Variants in GZMM observed in about 807,000 individuals in gnomAD.
The protein encoded by GZMM is granzyme M, also known as HU-Met-1.
A neutral mutation model predicts 19.2 loss-of-function variants in GZMM; 23 were observed. The ratio of observed to expected loss-of-function variants is 1.20; its 90% CI spans 0.86 to 1.69. The LOEUF (loss-of-function observed/expected upper bound fraction) is 1.69. GZMM is among the 40% of genes most tolerant of loss of function. GZMM has a pLI of 0.00. For synonymous variants in GZMM, 178 were observed against 160.2 expected, an observed-to-expected ratio of 1.11 and a Z score of -0.84; for missense variants, 373 against 352.2, an observed-to-expected ratio of 1.06 and a Z score of -0.47.
rs1980330683 is a variant in GZMM at position 547,414 on chromosome 19, G to A, written c.190G>A (p.Ala64Thr). The A allele has an allele frequency of 1.3e-6, 2 of 1,486,820 alleles. No homozygotes were observed. Among genetic ancestry groups the A allele is most frequent in the East Asian group, 2.6e-5 (1 of 37,804 alleles). The allele number at this position is 1,486,820 out of a possible 1,614,324, so 92.1% of individuals were successfully genotyped here. The change falls in exon 2 of 5, where the codon GCT becomes ACT. Residue 64 changes from alanine (A) to threonine (T), a missense_variant. Physicochemically the swap from Ala to Thr is moderately conservative, Grantham distance 58 (BLOSUM62 0). Transcript: ENST00000264553. ...VLVHPKWVLT[A>T]AHCLAQRMAQ... ...GGTGCACCCAAAGTGGGTGCTGACG[G>A]CTGCCCACTGCCTGGCCCAGCGGTG... is the stretch of plus-strand genomic sequence containing the variant.
chr19:547,188 G>C, intron 1 of GZMM, 92 bp from the exon 2 acceptor site: 1 of 1,205,740 alleles, frequency 8.3e-7, no homozygotes, highest in Non-Finnish European at 1.1e-6. Flanking sequence ...CATCTGCTTG[G>C]GGTCCTGGGC....
chr19:547,542 C>A (rs1980337220), intron 2 of GZMM, 106 bp downstream of exon 2: 1 of 861,326 alleles, frequency 1.2e-6, no homozygotes, highest in East Asian at 3.2e-5. Flanking sequence ...TTGTGGGACC[C>A]CCGTCCCCTC....
chr19:548,978 G>A lies in GZMM; in HGVS notation c.405G>A (p.Lys135=). ...TCCGGCCGTTGGCCCTGCCCAGTAA[G>A]CGCCAGGTGGTGGCAGCAGGGACTC... ...RTIRPLALPS[K]RQVVAAGTRC... is the part of the protein sequence containing the mutation. Residue 135 remains lysine (K), a synonymous_variant, in exon 4 of 5, where the codon AAG becomes AAA. Transcript: ENST00000264553. 1 of 1,603,476 alleles carries A rather than the reference G, an allele frequency of 6.2e-7. No homozygotes were observed. Among genetic ancestry groups the A allele is most frequent in the South Asian group, 1.1e-5 (1 of 89,800 alleles).
intron 2 of GZMM, 109 bp downstream of exon 2, chr19:547,545 G>A (rs908920474): frequency 5.4e-5 from 47 of 864,406 alleles, no homozygotes; most frequent in Middle Eastern, 4.0e-4. Flanking sequence ...TGGGACCCCC[G>A]TCCCCTCCCG....
At chr19:546,897 T>C (rs1209395896) in intron 1 of GZMM, among the ~76,000 whole-genome samples, 1 of 151,798 alleles carries the variant, frequency 6.6e-6, no homozygotes, top group African/African-American at 2.4e-5. Flanking sequence ...TCGCCCAGGC[T>C]GGTCTCGAAC....
Position 549,661 on chromosome 19 carries a change from A to G in GZMM, c.644A>G (p.Lys215Arg), listed in dbSNP as rs1980440115. 1 of 1,613,532 alleles carries G rather than the reference A, an allele frequency of 6.2e-7. No individual in the cohort carries two copies. The highest frequency in any genetic ancestry group is 2.2e-5 in the East Asian group (1 of 44,874). ...GDSGGPLVCG[K>R]GRVLARVLSF... ...TCGGGCGGGCCCCTGGTGTGTGGCA[A>G]AGGCCGGGTGTTGGCCAGAGTCCTG... The change falls in exon 5 of 5, where the codon AAA becomes AGA. Residue 215 changes from lysine (K) to arginine (R), a missense_variant. Physicochemically the swap from Lys to Arg is conservative, Grantham distance 26. Coordinates refer to ENST00000264553, the MANE Select transcript of GZMM (RefSeq NM_005317.4).
intron 4 of GZMM, 89 bp downstream of exon 4, chr19:549,274 G>A (rs370395783): frequency 1.2e-5 from 15 of 1,291,986 alleles, no homozygotes; most frequent in Admixed American, 1.0e-4. Flanking sequence ...TGGCTCTCCC[G>A]TTCTCTGGGG....
In GZMM at chr19:548,999, G is replaced by C; in HGVS notation, c.426G>C (p.Gly142=). ...LPSKRQVVAA[G]TRCSMAGWGL... is the part of the protein sequence containing the mutation. Reference sequence around the variant, plus strand: ...GTAAGCGCCAGGTGGTGGCAGCAGGGACTCGGTGCAGCATGGCCGGCTGGG... The same window carrying C: ...GTAAGCGCCAGGTGGTGGCAGCAGGCACTCGGTGCAGCATGGCCGGCTGGG... Residue 142 remains glycine (G), a synonymous_variant, in exon 4 of 5, where the codon GGG becomes GGC. Coordinates refer to ENST00000264553, the MANE Select transcript of GZMM (RefSeq NM_005317.4). The C allele has an allele frequency of 6.2e-7, 1 of 1,604,390 alleles. No individual in the cohort carries two copies. The highest frequency in any genetic ancestry group is 8.5e-7 in the Non-Finnish European group (1 of 1,176,658).
At chr19:545,099 A>ATCCCTCCTTCCTCCCTCCCTTTG (rs370859891) in intron 1 of GZMM, among the ~76,000 whole-genome samples, 11,782 of 141,312 alleles carry the variant, frequency 0.083, 633 homozygotes, top group Middle Eastern at 0.14. Flanking sequence ...TCCTCCTTCC[A>ATCCCTCCTTCCTCCCTCCCTTTG]TCCCTCCTTC....
intron 1 of GZMM, among the ~76,000 whole-genome samples, chr19:546,811 C>T (rs1980301068): frequency 6.6e-6 from 1 of 151,662 alleles, no homozygotes; most frequent in African/African-American, 2.4e-5. Flanking sequence ...GCACTCCAGC[C>T]TGGGTGACAG....
At chr19:544,148 G>A (rs1310653336) in intron 1 of GZMM, 22 bp downstream of exon 1, 2 of 1,543,764 alleles carry the variant, frequency 1.3e-6, no homozygotes, top group Admixed American at 2.0e-5. Flanking sequence ...CCGGGATGCA[G>A]GGGGGACACT....
At chr19:549,237 G>A in intron 4 of GZMM, 52 bp downstream of exon 4, 1 of 1,502,132 alleles carries the variant, frequency 6.7e-7, no homozygotes, top group Non-Finnish European at 9.0e-7. Context: ...GGAGGGCCGG[G>A]GCCAGGGCAG....
At chr19:547,723 G>T (rs908864881) in intron 2 of GZMM, among the ~76,000 whole-genome samples, 2 of 152,192 alleles carry the variant, frequency 1.3e-5, no homozygotes, top group Non-Finnish European at 2.9e-5. Flanking sequence ...AGAGTGCATT[G>T]TGTCTGTCCA....
chr19:549,289 C>A, intron 4 of GZMM, 104 bp downstream of exon 4: 1 of 1,149,260 alleles, frequency 8.7e-7, no homozygotes, highest in South Asian at 1.6e-5. Context: ...CTGGGGAGTC[C>A]TGTCAGGGGC....
intron 1 of GZMM, among the ~76,000 whole-genome samples, chr19:544,706 ATCCCTCCCTCCC>A (rs74697484): frequency 2.3e-4 from 23 of 101,792 alleles, no homozygotes; most frequent in South Asian, 6.8e-4. Flanking sequence ...TGGGTCCATC[ATCCCTCCCTCCC>A]TCCCTCCCTC....
In GZMM at chr19:548,913, CACTCGTAGCTGG is replaced by C; in HGVS notation, c.349-6_354del. On this transcript the variant is annotated splice_acceptor_variant and splice_polypyrimidine_tract_variant and coding_sequence_variant and intron_variant, in exon 4 of 5. Coordinates refer to ENST00000264553, the MANE Select transcript of GZMM (RefSeq NM_005317.4). LOFTEE classifies it high-confidence loss of function. Reference sequence around the variant, plus strand: ...CCCCTGCTCACCTGCCCCTTCCTGTCACTCGTAGCTGGACGGGAAAGTGAAGCCCAGCCGGAC... The same window carrying C: ...CCCCTGCTCACCTGCCCCTTCCTGTCACGGGAAAGTGAAGCCCAGCCGGAC... 1 of 1,528,528 alleles carries C rather than the reference CACTCGTAGCTGG, an allele frequency of 6.5e-7. No homozygotes were observed. Among genetic ancestry groups the C allele is most frequent in the Non-Finnish European group, 8.8e-7 (1 of 1,133,094 alleles). The allele number at this position is 1,528,528 out of a possible 1,614,324, so 94.7% of individuals were successfully genotyped here. A position where few individuals can be genotyped will look rare whatever the true frequency, so the allele number is the denominator to read the frequency against.
chr19:548,407 C>A, intron 2 of GZMM, 135 bp from the exon 3 acceptor site: 1 of 836,422 alleles, frequency 1.2e-6, no homozygotes, highest in Non-Finnish European at 1.9e-6. Flanking sequence ...GAAGGACTGG[C>A]CAAGCCAAGG....
intron 3 of GZMM, 41 bp from the exon 4 acceptor site, chr19:548,881 C>T (rs906889947): frequency 1.3e-5 from 17 of 1,272,304 alleles, no homozygotes; most frequent in Non-Finnish European, 1.8e-5. Flanking sequence ...CGCACTCTCA[C>T]CCCCTCCCCC....
chr19:546,218 A>G (rs1980275146), intron 1 of GZMM, among the ~76,000 whole-genome samples: 1 of 152,198 alleles, frequency 6.6e-6, no homozygotes, highest in African/African-American at 2.4e-5. Flanking sequence ...TTAGGAAATT[A>G]TGCACTATAC....
Sources: allele counts gnomAD v4.1 joint callset (sites outside exome capture counted in the v4.1 genomes callset), GRCh38; gene constraint gnomAD v4.1.1; transcripts MANE v1.5; gene names NCBI Gene and HGNC (gene_info 2026-07-23, HGNC 2026-07-21).